The following WIPF3 variants were observed in gnomAD, a reference collection of about 807,000 sequenced individuals.
WIPF3 encodes the protein WAS/WASL-interacting protein family member 3.
WIPF3 carries 33 observed loss-of-function variants against 38.9 expected under a neutral mutation model. That is an observed-to-expected ratio of 0.85 (90% CI 0.64 to 1.14). The LOEUF (loss-of-function observed/expected upper bound fraction) is 1.14. Ranked by LOEUF, WIPF3 falls within the 50% of genes most tolerant of loss-of-function variation. The probability of loss-of-function intolerance (pLI) is 0.00; values close to 1 mark genes in which losing one functional copy is unlikely to be tolerated. For missense variants in WIPF3, 711 were observed against 652.5 expected, an observed-to-expected ratio of 1.09 and a Z score of -0.98; for synonymous variants, 324 against 269.3, an observed-to-expected ratio of 1.20 and a Z score of -1.99.
At chr7:29,834,387 A>G (rs1562773354) in intron 1 of WIPF3, among the ~76,000 whole-genome samples, 1 of 152,142 alleles carries the variant, frequency 6.6e-6, no homozygotes, top group Admixed American at 6.5e-5. Context: ...ATATATACAT[A>G]TATATGTATA....
chr7:29,855,427 T>G (rs1785171414), intron 2 of WIPF3, among the ~76,000 whole-genome samples: 1 of 152,244 alleles, frequency 6.6e-6, no homozygotes, highest in South Asian at 2.1e-4. Flanking sequence ...TTAGAATCAA[T>G]GGACAGATAT....
intron 3 of WIPF3, 83 bp downstream of exon 3, chr7:29,876,045 G>A (rs1385269708): frequency 3.2e-6 from 5 of 1,538,838 alleles, no homozygotes; most frequent in Middle Eastern, 2.4e-4. Context: ...CCTGGCTGGG[G>A]CCACAGCTGC....
intron 2 of WIPF3, among the ~76,000 whole-genome samples, chr7:29,846,573 C>T (rs546651188): frequency 8.5e-5 from 13 of 152,214 alleles, no homozygotes; most frequent in East Asian, 7.7e-4. Flanking sequence ...TGGTGGCGTG[C>T]GCCTGTAATC....
Position 29,915,679 on chromosome 7 carries a change from C to T in WIPF3, c.*1163C>T, listed in dbSNP as rs1786601831. On this transcript the variant is annotated 3_prime_UTR_variant, in exon 9 of 9. Transcript: ENST00000242140. ...ATGGAAAAGGTCAGGCCGGGCTGGT[C>T]CTGCTCTTCACTCCCTCTTCTTGAT... 1 of 152,228 alleles carries T rather than the reference C, an allele frequency of 6.6e-6. No homozygotes were observed. Among genetic ancestry groups the T allele is most frequent in the African/African-American group, 2.4e-5 (1 of 41,404 alleles). 9.4% of individuals were successfully genotyped at this position (152,228 alleles called of 1,614,324 possible). A position where few individuals can be genotyped will look rare whatever the true frequency, so the allele number is the denominator to read the frequency against.
At chr7:29,815,869 C>CAG (rs1784446964) in intron 1 of WIPF3, among the ~76,000 whole-genome samples, 1 of 152,140 alleles carries the variant, frequency 6.6e-6, no homozygotes, top group African/African-American at 2.4e-5. Flanking sequence ...TCAGTCGCCT[C>CAG]TAACTTGTGG....
At chr7:29,853,211 C>T (rs1488986125) in intron 2 of WIPF3, among the ~76,000 whole-genome samples, 1 of 152,222 alleles carries the variant, frequency 6.6e-6, no homozygotes, top group Non-Finnish European at 1.5e-5. Context: ...GTTCCACCAA[C>T]TCTTGTGACT....
intron 1 of WIPF3, among the ~76,000 whole-genome samples, chr7:29,831,777 C>T (rs775977116): frequency 4.6e-5 from 7 of 152,040 alleles, no homozygotes; most frequent in South Asian, 2.1e-4. Context: ...AGTCAATGGG[C>T]GGGGAAAGAG....
In WIPF3 at chr7:29,834,760, TCCACC is replaced by T; in HGVS notation, c.37_41del (p.Pro13SerfsTer38). The T allele has an allele frequency of 2.4e-6, 3 of 1,234,024 alleles. No individual in the cohort carries two copies. Among genetic ancestry groups the T allele is most frequent in the Non-Finnish European group, 3.1e-6 (3 of 957,194 alleles). The allele number at this position is 1,234,024 out of a possible 1,614,324, so 76.4% of individuals were successfully genotyped here. A position where few individuals can be genotyped will look rare whatever the true frequency, so the allele number is the denominator to read the frequency against. ...CACCGCCACCCCCACCTCCTCTGCCTCCACCTCCCCCGCCTCTGGGGGCTCCTCCC... is the reference window on the plus strand; with the variant it reads ...CACCGCCACCCCCACCTCCTCTGCCTTCCCCCGCCTCTGGGGGCTCCTCCC... On this transcript the variant is annotated frameshift_variant, in exon 2 of 9. Transcript: ENST00000242140. LOFTEE classifies it high-confidence loss of function.
intron 7 of WIPF3, among the ~76,000 whole-genome samples, chr7:29,892,634 A>C (rs1303752075): frequency 6.6e-6 from 1 of 152,232 alleles, no homozygotes; most frequent in Admixed American, 6.5e-5. Flanking sequence ...CTCACAGCAG[A>C]TTAAAGCCAG....
In WIPF3 at chr7:29,884,561, C is replaced by T. The variant is rs770692195; in HGVS notation, c.1067C>T (p.Pro356Leu). 3.7e-6 allele frequency: 6 copies of T among 1,603,862 alleles called. No homozygotes were observed. Among genetic ancestry groups the T allele is most frequent in the South Asian group, 1.1e-5 (1 of 88,746 alleles). Reference sequence around the variant, plus strand: ...CCGCCTGCCCCTCCGGGCTCCCAGCCGTTCCTGCAGAAGAAGAGGCATGGC... The same window carrying T: ...CCGCCTGCCCCTCCGGGCTCCCAGCTGTTCCTGCAGAAGAAGAGGCATGGC... ...PAPPAPPGSQPFLQKKRHGRP... is the reference protein window; with the variant it reads ...PAPPAPPGSQLFLQKKRHGRP... The change falls in exon 5 of 9, where the codon CCG becomes CTG. Residue 356 changes from proline to leucine, a missense_variant. By Grantham distance (98) the Pro-to-Leu change is moderately conservative. Transcript: ENST00000242140.
chr7:29,858,778 A>G (rs1466488722), intron 2 of WIPF3, among the ~76,000 whole-genome samples: 2 of 152,184 alleles, frequency 1.3e-5, no homozygotes, highest in Admixed American at 1.3e-4. Flanking sequence ...CCATTTTATT[A>G]ATATACAAAG....
chr7:29,853,637 G>T (rs954992828), intron 2 of WIPF3, among the ~76,000 whole-genome samples: 2 of 152,230 alleles, frequency 1.3e-5, no homozygotes, highest in Admixed American at 6.5e-5. Flanking sequence ...TTAGAGCATG[G>T]TGATTAAGAT....
intron 1 of WIPF3, among the ~76,000 whole-genome samples, chr7:29,829,271 G>A (rs1784678489): frequency 6.8e-6 from 1 of 147,748 alleles, no homozygotes; most frequent in African/African-American, 2.5e-5. Flanking sequence ...GGGGTGCAGT[G>A]GCGCAATCTA....
chr7:29,847,541 G>A (rs962750874), intron 2 of WIPF3, among the ~76,000 whole-genome samples: 21 of 152,206 alleles, frequency 1.4e-4, no homozygotes, highest in African/African-American at 5.1e-4. Flanking sequence ...GTTGAACAGA[G>A]TATTGACAGC....
chr7:29,807,265 G>C (rs934986952), intron 1 of WIPF3, among the ~76,000 whole-genome samples: 2 of 152,216 alleles, frequency 1.3e-5, no homozygotes, highest in African/African-American at 2.4e-5. Context: ...CATGGGGACA[G>C]AGCGCAGGTC....
intron 2 of WIPF3, among the ~76,000 whole-genome samples, chr7:29,855,872 A>T (rs1388298990): frequency 6.6e-6 from 1 of 152,222 alleles, no homozygotes; most frequent in Non-Finnish European, 1.5e-5. Flanking sequence ...GTTAAACTTG[A>T]ATTTCAATTA....
chr7:29,888,083 A>G lies in WIPF3; in HGVS notation c.1115A>G (p.Lys372Arg). ...RHGRPGAGGG[K>R]LNPPPAPPAR... ...TCTCTGTAAGGGGCCGGTGGGGGAA[A>G]GCTAAATCCACCTCCAGCACCCCCT... The change falls in exon 6 of 9, where the codon AAG becomes AGG. Residue 372 changes from lysine (K) to arginine (R), a missense_variant. Lys to Arg is a conservative substitution (Grantham distance 26, BLOSUM62 2). Coordinates refer to ENST00000242140, the MANE Select transcript of WIPF3 (RefSeq NM_001080529.3). The G allele has an allele frequency of 5.0e-6, 8 of 1,613,922 alleles. No homozygotes were observed. Among genetic ancestry groups the G allele is most frequent in the Non-Finnish European group, 6.8e-6 (8 of 1,179,876 alleles).
chr7:29,822,549 C>T (rs1784555761), intron 1 of WIPF3, among the ~76,000 whole-genome samples: 1 of 152,204 alleles, frequency 6.6e-6, no homozygotes, highest in African/African-American at 2.4e-5. Flanking sequence ...TGCCATCCTA[C>T]ACACCCTTTT....
At chr7:29,864,430 A>G (rs552529167) in intron 2 of WIPF3, among the ~76,000 whole-genome samples, 1 of 152,334 alleles carries the variant, frequency 6.6e-6, no homozygotes, top group Admixed American at 6.5e-5. Context: ...TCAGTTCTTC[A>G]TAGCTAAGGA....
Sources: gnomAD v4.1 joint callset for allele counts (sites outside exome capture counted in the v4.1 genomes callset) on GRCh38, gnomAD v4.1.1 for gene constraint, MANE v1.5 for transcripts, NCBI Gene and HGNC (gene_info 2026-07-23, HGNC 2026-07-21) for gene names.